The following ZNF133 variants were observed in gnomAD, a reference collection of about 807,000 sequenced individuals.
ZNF133 encodes zinc finger protein 133, also known as zinc finger protein 133 (clone pHZ-13).
A neutral mutation model predicts 54.9 loss-of-function variants in ZNF133; 26 were observed. The observed-to-expected ratio is 0.47, with a 90% CI of 0.35 to 0.66. ZNF133 has a LOEUF of 0.66. ZNF133 is among the 30% of genes least tolerant of loss of function. The probability of loss-of-function intolerance (pLI) is 0.01; values close to 1 mark genes in which losing one functional copy is unlikely to be tolerated. For missense variants in ZNF133, 653 were observed against 820.8 expected, an observed-to-expected ratio of 0.80 and a Z score of 2.50; for synonymous variants, 298 against 320.3, an observed-to-expected ratio of 0.93 and a Z score of 0.74.
At chr20:18,310,089 A>G (rs1568782859) in intron 6 of ZNF133, 1 of 1,210,176 alleles carries the variant, frequency 8.3e-7, no homozygotes. Flanking sequence ...TTATATTAAT[A>G]ACAAGCAGCT....
chr20:18,314,778 G>A (rs1228643260), intron 6 of ZNF133: 1 of 314,874 alleles, frequency 3.2e-6, no homozygotes, highest in African/African-American at 2.1e-5. Context: ...GTAATTAATT[G>A]TATTGAAGGT....
At chr20:18,289,665 G>T (rs146818940) in intron 1 of ZNF133, among the ~76,000 whole-genome samples, 1 of 152,126 alleles carries the variant, frequency 6.6e-6, no homozygotes, top group African/African-American at 2.4e-5. Context: ...AGCATCTATC[G>T]TATTGGGTTG....
chr20:18,305,275 G>A lies in ZNF133; in HGVS notation c.-7+97G>A, dbSNP rs891786129. 2 of 854,670 alleles carry A rather than the reference G, an allele frequency of 2.3e-6. No individual in the cohort carries two copies. Among genetic ancestry groups the A allele is most frequent in the Non-Finnish European group, 2.8e-6 (2 of 705,678 alleles). The allele number at this position is 854,670 out of a possible 1,614,324, so 52.9% of individuals were successfully genotyped here. Reference sequence around the variant, plus strand: ...ACTACTCTCTGCTTGTGACCATCAGGCCCGAGAAAGCCAAGCCGTAGGATT... The same window carrying A: ...ACTACTCTCTGCTTGTGACCATCAGACCCGAGAAAGCCAAGCCGTAGGATT... On this transcript the variant is annotated intron_variant, in intron 4 of 6. Coordinates refer to ENST00000425686, the MANE Select transcript of ZNF133 (RefSeq NM_001352452.2). The surrounding 1 kb of genome is among the most constrained non-coding windows in gnomAD (Gnocchi z 4.7).
At chr20:18,307,783 G>A (rs1453019016) in intron 6 of ZNF133, among the ~76,000 whole-genome samples, 1 of 152,046 alleles carries the variant, frequency 6.6e-6, no homozygotes, top group Non-Finnish European at 1.5e-5. Flanking sequence ...AATGTGCTAA[G>A]CTCTGGCCAG....
At position 18,298,753 on chromosome 20, in the gene ZNF133, A is replaced by G. The variant is rs184723437; in HGVS notation, c.-178+289A>G. 3.9e-5 allele frequency among the ~76,000 whole-genome samples: 6 copies of G among 152,316 alleles called. No homozygotes were observed. In the East Asian group the frequency reaches 1.2e-3, roughly 29 times the overall value. On this transcript the variant is annotated intron_variant, in intron 3 of 6. Coordinates refer to ENST00000425686, the MANE Select transcript of ZNF133 (RefSeq NM_001352452.2). Reference sequence around the variant, plus strand: ...TGGCTTTTAGGGGATTTAAGGAGCCAGAGTCTGTTTTCCCCCACTGAAGTT... The same window carrying G: ...TGGCTTTTAGGGGATTTAAGGAGCCGGAGTCTGTTTTCCCCCACTGAAGTT...
intron 3 of ZNF133, among the ~76,000 whole-genome samples, chr20:18,299,637 A>G (rs1396240042): frequency 6.6e-6 from 1 of 152,214 alleles, no homozygotes; most frequent in African/African-American, 2.4e-5. Flanking sequence ...ACTGAGAAAC[A>G]ATGTAATCAA....
intron 1 of ZNF133, among the ~76,000 whole-genome samples, chr20:18,297,169 T>A (rs981039199): frequency 3.3e-5 from 5 of 152,162 alleles, no homozygotes; most frequent in African/African-American, 1.2e-4. Context: ...TCTTTGTCTG[T>A]TTTCCTTTCC....
chr20:18,291,961 G>A (rs112875918), intron 1 of ZNF133, among the ~76,000 whole-genome samples: 2,691 of 152,284 alleles, frequency 0.018, 39 homozygotes, highest in Middle Eastern at 0.027. Flanking sequence ...GTGGTATATA[G>A]ACCATCCTTT....
Position 18,316,213 on chromosome 20 carries a change from C to A in ZNF133, c.1362C>A (p.Asn454Lys), listed in dbSNP as rs143375392. 1.2e-6 allele frequency: 2 copies of A among 1,607,006 alleles called. No individual in the cohort carries two copies. Among genetic ancestry groups the A allele is most frequent in the African/African-American group, 2.7e-5 (2 of 74,470 alleles). Residue 454 changes from asparagine to lysine, a missense_variant, in exon 7 of 7, where the codon AAC (asparagine) becomes AAA (lysine). Around this residue, in one of 4 missense-constraint regions of ZNF133, gnomAD observed 292 missense variants for 431.6 expected, o/e 0.68. Transcript: ENST00000425686. ...GRGFSLKSHL[N>K]RHQNIHSGEK... is the part of the protein sequence containing the mutation. ...GCTTTAGTCTCAAGTCACACCTCAA[C>A]AGACACCAGAACATACACTCAGGAG...
chr20:18,303,987 A>T lies in ZNF133; in HGVS notation c.-177-1021A>T, dbSNP rs372723005. Among the ~76,000 whole-genome samples, 6 of 152,340 alleles carry T rather than the reference A, an allele frequency of 3.9e-5. No individual in the cohort carries two copies. The East Asian group carries it at 9.6e-4, about 24-fold the overall frequency. On this transcript the variant is annotated intron_variant, in intron 3 of 6. Transcript: ENST00000425686. ...AACTTTCATTCATCAAAGGAAGGGA[A>T]TATATTTGCAAGTCACATATCTGAT...
intron 6 of ZNF133, chr20:18,313,015 T>G (rs2046458457): frequency 6.6e-6 from 1 of 152,192 alleles, no homozygotes; most frequent in Non-Finnish European, 1.5e-5. Context: ...CCTGATTTTT[T>G]TTTTTTAATT....
At position 18,310,421 on chromosome 20, in the gene ZNF133, G is replaced by A. The variant is rs751144328; in HGVS notation, c.217+4028G>A. Reference sequence around the variant, plus strand: ...TACAAGAAAAGTATTTAATTTTCTCGGCTGTTTCATTAATCAGAATGCTAA... The same window carrying A: ...TACAAGAAAAGTATTTAATTTTCTCAGCTGTTTCATTAATCAGAATGCTAA... On this transcript the variant is annotated intron_variant, in intron 6 of 6. Transcript: ENST00000425686. The A allele has an allele frequency of 3.0e-4, 342 of 1,152,318 alleles. 1 individual carries two copies. Among genetic ancestry groups the A allele is most frequent in the Non-Finnish European group, 3.8e-4 (333 of 869,852 alleles). 71.4% of individuals were successfully genotyped at this position (1,152,318 alleles called of 1,614,324 possible). A position where few individuals can be genotyped will look rare whatever the true frequency, so the allele number is the denominator to read the frequency against.
chr20:18,292,709 T>A (rs1039675061), intron 1 of ZNF133, among the ~76,000 whole-genome samples: 1 of 152,262 alleles, frequency 6.6e-6, no homozygotes, highest in Non-Finnish European at 1.5e-5. Context: ...ATCTTTCTCC[T>A]CTAGACTTTC....
intron 6 of ZNF133, among the ~76,000 whole-genome samples, chr20:18,309,945 G>A (rs1473282466): frequency 6.6e-6 from 1 of 152,168 alleles, no homozygotes; most frequent in Non-Finnish European, 1.5e-5. Context: ...GAGGATGTAG[G>A]GGCATTATCT....
Position 18,315,557 on chromosome 20 carries a change from C to T in ZNF133, c.706C>T (p.His236Tyr), listed in dbSNP as rs1245024781. 1 of 1,614,168 alleles carries T rather than the reference C, an allele frequency of 6.2e-7. No homozygotes were observed. Among genetic ancestry groups the T allele is most frequent in the Non-Finnish European group, 8.5e-7 (1 of 1,180,022 alleles). Residue 236 changes from histidine (H) to tyrosine (Y), a missense_variant, in exon 7 of 7, where the codon CAC becomes TAC. Physicochemically the swap from His to Tyr is moderately conservative, Grantham distance 83. Coordinates refer to ENST00000425686, the MANE Select transcript of ZNF133 (RefSeq NM_001352452.2). Reference protein sequence around the residue: ...MTNLLSHQRIHSGEKPYVCGV... With the variant: ...MTNLLSHQRIYSGEKPYVCGV... ...AAACCTGCTCAGTCACCAGCGGATA[C>T]ACTCAGGGGAGAAGCCCTACGTGTG...
chr20:18,298,746 A>G (rs1463867587), intron 3 of ZNF133, among the ~76,000 whole-genome samples: 1 of 152,188 alleles, frequency 6.6e-6, no homozygotes, highest in Non-Finnish European at 1.5e-5. Flanking sequence ...AGGGGATTTA[A>G]GGAGCCAGAG....
At chr20:18,303,379 C>G (rs572850567) in intron 3 of ZNF133, among the ~76,000 whole-genome samples, 2 of 152,122 alleles carry the variant, frequency 1.3e-5, no homozygotes, top group Admixed American at 6.5e-5. Context: ...TAATACTACT[C>G]AAACCAATCT....
chr20:18,306,753 C>A, intron 6 of ZNF133: 3 of 1,323,210 alleles, frequency 2.3e-6, no homozygotes, highest in Non-Finnish European at 3.0e-6. Context: ...AGAAGGCAAG[C>A]CCAGTGGGAG....
In ZNF133 at chr20:18,306,277, AT is replaced by A. The variant is rs1726942948; in HGVS notation, c.122-17del. ...TCTTGAGCCCATAACCTAGTTACTT[AT>A]TTTCTTTTCCTGTGAGCAGGAATTT... is the stretch of plus-strand genomic sequence containing the variant. On this transcript the variant is annotated intron_variant, in intron 5 of 6. Transcript: ENST00000425686. 1 of 1,606,752 alleles carries A rather than the reference AT, an allele frequency of 6.2e-7. No individual in the cohort carries two copies. The highest frequency in any genetic ancestry group is 8.5e-7 in the Non-Finnish European group (1 of 1,175,682).
Sources: allele counts gnomAD v4.1 joint callset (sites outside exome capture counted in the v4.1 genomes callset), GRCh38; gene constraint gnomAD v4.1.1; regional missense constraint gnomAD v4.1.1; non-coding constraint Gnocchi (gnomAD v3.1); transcripts MANE v1.5; gene names NCBI Gene and HGNC (gene_info 2026-07-23, HGNC 2026-07-21).